ZNF141: variants seen among roughly 807,000 people sequenced by gnomAD.
ZNF141 encodes the protein zinc finger protein 141, also known as zinc finger protein 141 (clone pHZ-44).
In ZNF141, 7 loss-of-function variants were observed where a neutral mutation model predicts 11.3. The observed-to-expected ratio is 0.62, with a 90% CI of 0.35 to 1.16. ZNF141 has a LOEUF of 1.16. Among genes scored for constraint, ZNF141 ranks in the 50% most tolerant of loss-of-function variants. The pLI is 0.02. For synonymous variants in ZNF141, 183 were observed against 190.7 expected (o/e 0.96, Z 0.33); for missense variants, 535 against 554.0 (o/e 0.97, Z 0.34).
In ZNF141 at chr4:381,963, T is replaced by G. The variant is rs1252672008; in HGVS notation, c.*8101T>G. On this transcript the variant is annotated 3_prime_UTR_variant, in exon 4 of 4. Transcript: ENST00000240499. Reference sequence around the variant, plus strand: ...TCTGGGAACTTTTTTTTTTTTTTTTTTTGAGACGGAGTCTCACTCTCGCCC... The same window carrying G: ...TCTGGGAACTTTTTTTTTTTTTTTTGTTGAGACGGAGTCTCACTCTCGCCC... Among the ~76,000 whole-genome samples the G allele has an allele frequency of 3.4e-5, 5 of 147,620 alleles. No homozygotes were observed. The highest frequency in any genetic ancestry group is 6.7e-5 in the Admixed American group (1 of 14,958).
rs1260423912 is a variant in ZNF141 at position 383,027 on chromosome 4, C to T, written c.*9165C>T. 1.7e-6 allele frequency: 1 copy of T among 584,390 alleles called. No individual in the cohort carries two copies. The highest frequency in any genetic ancestry group is 2.2e-5 in the South Asian group (1 of 45,292). The allele number at this position is 584,390 out of a possible 1,614,324, so 36.2% of individuals were successfully genotyped here. A position where few individuals can be genotyped will look rare whatever the true frequency, so the allele number is the denominator to read the frequency against. On this transcript the variant is annotated 3_prime_UTR_variant, in exon 4 of 4. Transcript: ENST00000240499. ...CCTTGAACTTCTCTTGACTTATCTG[C>T]ACTGGCACAGGGTGCCAGTTTGGGG...
chr4:353,801 G>A (rs1375192412), intron 3 of ZNF141, among the ~76,000 whole-genome samples: 2 of 152,122 alleles, frequency 1.3e-5, no homozygotes, highest in Non-Finnish European at 2.9e-5. Context: ...GTCACAGTTA[G>A]GTGTAATGTG....
rs17164812 is a variant in ZNF141, at chr4:381,200, C to T, written c.*7338C>T. Among the ~76,000 whole-genome samples, 22,071 of 151,802 alleles carry T rather than the reference C, an allele frequency of 0.15. 2,222 individuals carry two copies. The highest frequency in any genetic ancestry group is 0.28 in the African/African-American group (11,730 of 41,360). ...TATTTGACTCTATTAGTTTAGTTTC[C>T]TTTGTGCCTGTTTCTCAGTTTTGCC... On this transcript the variant is annotated 3_prime_UTR_variant, in exon 4 of 4. Coordinates refer to ENST00000240499, the MANE Select transcript of ZNF141 (RefSeq NM_003441.4).
At position 373,902 on chromosome 4, in the gene ZNF141, G is replaced by A. The variant is rs782059562; in HGVS notation, c.*40G>A. The A allele has an allele frequency of 2.6e-6, 4 of 1,522,026 alleles. No individual in the cohort carries two copies. Among genetic ancestry groups the A allele is most frequent in the South Asian group, 1.2e-5 (1 of 82,234 alleles). The allele number at this position is 1,522,026 out of a possible 1,614,324, so 94.3% of individuals were successfully genotyped here. A position where few individuals can be genotyped will look rare whatever the true frequency, so the allele number is the denominator to read the frequency against. ...ATGTAAAGAATGTGGCAAACCTTTG[G>A]ATGATCCACAAACCTTAATGAACAT... On this transcript the variant is annotated 3_prime_UTR_variant, in exon 4 of 4. Coordinates refer to ENST00000240499, the MANE Select transcript of ZNF141 (RefSeq NM_003441.4).
chr4:340,496 G>C (rs1370813248), intron 1 of ZNF141, among the ~76,000 whole-genome samples: 3 of 152,178 alleles, frequency 2.0e-5, no homozygotes, highest in Non-Finnish European at 2.9e-5. Flanking sequence ...CATGTGCATT[G>C]ATTAAACCTG....
intron 3 of ZNF141, chr4:350,055 T>C (rs751907414): frequency 3.9e-5 from 19 of 489,280 alleles, no homozygotes; most frequent in Admixed American, 6.3e-5. Flanking sequence ...TCCAGGGCCA[T>C]GGCTGGGTGT....
intron 3 of ZNF141, among the ~76,000 whole-genome samples, chr4:360,884 T>C (rs1581609791): frequency 6.6e-6 from 1 of 152,336 alleles, no homozygotes; most frequent in Non-Finnish European, 1.5e-5. Flanking sequence ...AATATTGACC[T>C]ACTTTGTTTA....
intron 3 of ZNF141, among the ~76,000 whole-genome samples, chr4:355,357 C>T (rs559451136): frequency 2.0e-5 from 3 of 152,096 alleles, no homozygotes; most frequent in South Asian, 4.2e-4. Context: ...AGGTGCCCAC[C>T]ATCACGTCTG....
intron 1 of ZNF141, 79 bp downstream of exon 1, chr4:338,065 T>C (rs1720874865): frequency 6.3e-7 from 1 of 1,594,982 alleles, no homozygotes. Flanking sequence ...GGACCGAGTC[T>C]GCGAACGGAG....
rs1335243924 is a variant in ZNF141, at chr4:338,168, C to G, written c.3+182C>G. On this transcript the variant is annotated intron_variant, in intron 1 of 3. Coordinates refer to ENST00000240499, the MANE Select transcript of ZNF141 (RefSeq NM_003441.4). The stretch of plus-strand genomic sequence containing the variant: ...TCCCCGCACAGCGGCTCTGGCCCAG[C>G]CTGCAGCCCTCCTTGTGCAGCTCTG... 1.2e-5 allele frequency: 8 copies of G among 669,326 alleles called. No individual in the cohort carries two copies. The African/African-American group carries it at 1.5e-4, about 13-fold the overall frequency. 41.5% of individuals were successfully genotyped at this position (669,326 alleles called of 1,614,324 possible).
At position 379,364 on chromosome 4, in the gene ZNF141, T is replaced by C. The variant is rs1712515145; in HGVS notation, c.*5502T>C. ...CCATGCTAGTAAATATTAGAGTTCC[T>C]ATGATTATTTTCTTCTTTATTTTAT... On this transcript the variant is annotated 3_prime_UTR_variant, in exon 4 of 4. Transcript: ENST00000240499. 6.6e-6 allele frequency among the ~76,000 whole-genome samples: 1 copy of C among 152,146 alleles called. No homozygotes were observed. Among genetic ancestry groups the C allele is most frequent in the Non-Finnish European group, 1.5e-5 (1 of 68,026 alleles).
Position 347,959 on chromosome 4 carries a change from C to T in ZNF141, c.226+3529C>T, listed in dbSNP as rs183235663. Among the ~76,000 whole-genome samples the T allele has an allele frequency of 2.1e-3, 315 of 152,030 alleles. No homozygotes were observed. In the East Asian group the frequency reaches 0.025, roughly 12 times the overall value. ...TCTCGGGTTCAAGCGATTCTCCTGC[C>T]TCAGCCTCCCGAGTAGCTGGGATTA... On this transcript the variant is annotated intron_variant, in intron 3 of 3. Coordinates refer to ENST00000240499, the MANE Select transcript of ZNF141 (RefSeq NM_003441.4).
chr4:366,883 G>A (rs1711769134), intron 3 of ZNF141, among the ~76,000 whole-genome samples: 1 of 151,338 alleles, frequency 6.6e-6, no homozygotes, highest in Non-Finnish European at 1.5e-5. Context: ...GACCAGGCTG[G>A]TCTTGAGCTC....
intron 3 of ZNF141, among the ~76,000 whole-genome samples, chr4:368,395 CCA>C (rs538644120): frequency 4.6e-4 from 70 of 152,158 alleles, no homozygotes; most frequent in Middle Eastern, 6.8e-3. Flanking sequence ...ACGTGCACCA[CCA>C]CACCCATCTA....
Position 374,466 on chromosome 4 carries a change from GA to G in ZNF141, c.*606del, listed in dbSNP as rs1712262865. The G allele has an allele frequency of 3.1e-6, 1 of 327,122 alleles. No individual in the cohort carries two copies. The highest frequency in any genetic ancestry group is 2.1e-5 in the African/African-American group (1 of 46,562). The allele number at this position is 327,122 out of a possible 1,614,324, so 20.3% of individuals were successfully genotyped here. On this transcript the variant is annotated 3_prime_UTR_variant, in exon 4 of 4. Coordinates refer to ENST00000240499, the MANE Select transcript of ZNF141 (RefSeq NM_003441.4). ...CAGAGAGAAACCCTACACATGTAAA[GA>G]ATGTGGCAAAGCCTTCAATAGGTTC...
At position 380,452 on chromosome 4, in the gene ZNF141, G is replaced by A. The variant is rs1283789098; in HGVS notation, c.*6590G>A. Among the ~76,000 whole-genome samples, 3 of 152,116 alleles carry A rather than the reference G, an allele frequency of 2.0e-5. No individual in the cohort carries two copies. The highest frequency in any genetic ancestry group is 4.4e-5 in the Non-Finnish European group (3 of 68,026). The stretch of plus-strand genomic sequence containing the variant: ...GTGGATCATGAGGTCAGGAGTTTGA[G>A]ACCAGTCTGGCCAACATGGTGAAAC... On this transcript the variant is annotated 3_prime_UTR_variant, in exon 4 of 4. Transcript: ENST00000240499.
intron 3 of ZNF141, among the ~76,000 whole-genome samples, chr4:360,421 G>T (rs543653889): frequency 6.6e-6 from 1 of 152,074 alleles, no homozygotes; most frequent in African/African-American, 2.4e-5. Context: ...TTATTGCGGC[G>T]CATGGCATGT....
At chr4:339,485 G>A (rs1553848084) in intron 1 of ZNF141, among the ~76,000 whole-genome samples, 3 of 128,638 alleles carry the variant, frequency 2.3e-5, no homozygotes, top group South Asian at 5.0e-4. Context: ...CATCCCTCAT[G>A]TGCTACAAGA....
rs1173881868 is a variant in ZNF141, at chr4:378,174, C to A, written c.*4312C>A. 2 of 151,880 alleles carry A rather than the reference C, an allele frequency of 1.3e-5. No individual in the cohort carries two copies. Among genetic ancestry groups the A allele is most frequent in the Admixed American group, 6.6e-5 (1 of 15,254 alleles). The allele number at this position is 151,880 out of a possible 1,614,324, so 9.4% of individuals were successfully genotyped here. On this transcript the variant is annotated 3_prime_UTR_variant, in exon 4 of 4. Transcript: ENST00000240499. ...GTAAGACCCGTCTCAACAACAACAA[C>A]AAAAAAGAAGAAAATTTTTAGGAGA...
Sources: gnomAD v4.1 joint callset for allele counts (sites outside exome capture counted in the v4.1 genomes callset) on GRCh38, gnomAD v4.1.1 for gene constraint, MANE v1.5 for transcripts, NCBI Gene and HGNC (gene_info 2026-07-23, HGNC 2026-07-21) for gene names.